The following RERE variants were observed in gnomAD, a reference collection of about 807,000 sequenced individuals.
RERE encodes arginine-glutamic acid dipeptide repeats.
In RERE, 40 loss-of-function variants were observed where a neutral mutation model predicts 146.1. The observed-to-expected ratio is 0.27, with a 90% CI of 0.21 to 0.36. RERE has a LOEUF of 0.36. Among genes scored for constraint, RERE ranks in the 10% least tolerant of loss-of-function variants. The pLI, the probability that RERE is intolerant of heterozygous loss-of-function variation, is 1.00. For synonymous variants in RERE, 1,003 were observed against 866.0 expected (o/e 1.16, Z -2.78); for missense variants, 1,933 against 2,138.7 (o/e 0.90, Z 1.90).
chr1:8,792,255 A>G (rs1410147226), intron 1 of RERE: 1 of 152,254 alleles, frequency 6.6e-6, no homozygotes, highest in Non-Finnish European at 1.5e-5. Flanking sequence ...ACATAAGTTC[A>G]GTAATTCATA....
intron 4 of RERE, among the ~76,000 whole-genome samples, chr1:8,566,306 G>A (rs1248918808): frequency 6.6e-6 from 1 of 152,118 alleles, no homozygotes; most frequent in Non-Finnish European, 1.5e-5. Context: ...ACAAGGGGCA[G>A]GTAGAGGAAA....
chr1:8,374,644 C>A (rs1004258857), intron 12 of RERE, among the ~76,000 whole-genome samples: 5 of 152,192 alleles, frequency 3.3e-5, no homozygotes, highest in African/African-American at 1.2e-4. Flanking sequence ...TAGTACCTTG[C>A]CACTTCTTCT....
intron 1 of RERE, among the ~76,000 whole-genome samples, chr1:8,773,627 C>T (rs769981572): frequency 3.9e-5 from 6 of 152,146 alleles, no homozygotes; most frequent in Non-Finnish European, 7.3e-5. Context: ...AGTTCGAGAC[C>T]AGCCTGACCA....
At chr1:8,797,893 G>C (rs2124585489) in intron 1 of RERE, among the ~76,000 whole-genome samples, 1 of 152,328 alleles carries the variant, frequency 6.6e-6, no homozygotes, top group South Asian at 2.1e-4. Flanking sequence ...AATGAAGAAA[G>C]AGAGAACTTC....
At position 8,672,897 on chromosome 1, in the gene RERE, G is replaced by A. The variant is rs573247466; in HGVS notation, c.-144-16456C>T. Among the ~76,000 whole-genome samples the A allele has an allele frequency of 2.0e-5, 3 of 152,032 alleles. No individual in the cohort carries two copies. The South Asian group carries it at 6.2e-4, about 32-fold the overall frequency. On this transcript the variant is annotated intron_variant, in intron 1 of 22. Transcript: ENST00000400908. ...AAAATCTTTAATACTATTTGCTCAGGGTAAAATACCAATTCTATCTGCAAA... is the reference window on the plus strand; with the variant it reads ...AAAATCTTTAATACTATTTGCTCAGAGTAAAATACCAATTCTATCTGCAAA...
At chr1:8,389,761 C>G (rs188369546) in intron 12 of RERE, among the ~76,000 whole-genome samples, 1 of 152,272 alleles carries the variant, frequency 6.6e-6, no homozygotes, top group Admixed American at 6.5e-5. Flanking sequence ...CTGTAGTATG[C>G]GAATAAAACA....
intron 19 of RERE, 104 bp from the exon 20 acceptor site, chr1:8,359,020 C>T (rs765506010): frequency 6.5e-6 from 9 of 1,381,634 alleles, no homozygotes; most frequent in Non-Finnish European, 8.5e-6. Flanking sequence ...CCTGCTCTGA[C>T]AGGCCAACCT....
chr1:8,359,477 C>T (rs192001836), intron 19 of RERE, among the ~76,000 whole-genome samples: 1 of 152,364 alleles, frequency 6.6e-6, no homozygotes, highest in Non-Finnish European at 1.5e-5. Context: ...GTTATGAACC[C>T]AAAGGCTGCA....
Position 8,364,877 on chromosome 1 carries a change from C to G in RERE, c.1448-39G>C. On this transcript the variant is annotated intron_variant, in intron 13 of 22. Coordinates refer to ENST00000400908, the MANE Select transcript of RERE (RefSeq NM_001042681.2). This position sits in a 1 kb window ranked among gnomAD's most constrained non-coding sequence, Gnocchi z 5.1. ...GCACATAGTGGGGGTGGGGGAGACACCATCATGCTCAGCCAAGGCTGGGCC... is the reference window on the plus strand; with the variant it reads ...GCACATAGTGGGGGTGGGGGAGACAGCATCATGCTCAGCCAAGGCTGGGCC... The G allele has an allele frequency of 8.2e-7, 1 of 1,223,178 alleles. No individual in the cohort carries two copies. Among genetic ancestry groups the G allele is most frequent in the Non-Finnish European group, 1.2e-6 (1 of 843,576 alleles). The allele number at this position is 1,223,178 out of a possible 1,614,324, so 75.8% of individuals were successfully genotyped here. A position where few individuals can be genotyped will look rare whatever the true frequency, so the allele number is the denominator to read the frequency against.
chr1:8,694,087 G>T (rs536460187), intron 1 of RERE, among the ~76,000 whole-genome samples: 1 of 145,134 alleles, frequency 6.9e-6, no homozygotes, highest in South Asian at 2.2e-4. Flanking sequence ...CGCACTTTTA[G>T]TTCTCCTTTT....
Position 8,653,625 on chromosome 1 carries a change from G to A in RERE, c.325+2348C>T, listed in dbSNP as rs148484108. Among the ~76,000 whole-genome samples the A allele has an allele frequency of 1.2e-3, 183 of 151,020 alleles. 2 individuals carry two copies. The East Asian group carries it at 0.034, about 28-fold the overall frequency. On this transcript the variant is annotated intron_variant, in intron 2 of 22. Transcript: ENST00000400908. Reference sequence around the variant, plus strand: ...CAGGAGAATGGCGTGAACCCGGGAGGCGGAGCTTGCAGTGAGCCAAGATCG... The same window carrying A: ...CAGGAGAATGGCGTGAACCCGGGAGACGGAGCTTGCAGTGAGCCAAGATCG...
intron 8 of RERE, among the ~76,000 whole-genome samples, chr1:8,500,172 GA>G (rs1349295922): frequency 6.6e-6 from 1 of 152,048 alleles, no homozygotes; most frequent in African/African-American, 2.4e-5. Flanking sequence ...ACAAATGTTG[GA>G]GTCAAAAGGT....
Position 8,358,623 on chromosome 1 carries a change from G to A in RERE, c.3912C>T (p.Leu1304=). The A allele has an allele frequency of 1.3e-6, 2 of 1,591,598 alleles. No individual in the cohort carries two copies. The change falls in exon 20 of 23, where the codon CTC becomes CTT. Residue 1304 remains leucine, a synonymous_variant. Coordinates refer to ENST00000400908, the MANE Select transcript of RERE (RefSeq NM_001042681.2). ...NVDPTIRERE[L]REREIREREI... ...CCCGCTCTCGGATCTCCCGCTCCCG[G>A]AGCTCCCGCTCGCGGATGGTGGGGT...
At chr1:8,765,167 T>A (rs549208570) in intron 1 of RERE, among the ~76,000 whole-genome samples, 1,993 of 152,368 alleles carry the variant, frequency 0.013, 49 homozygotes, top group African/African-American at 0.046. Context: ...ATTTGGCATT[T>A]ATTGGGAATG....
At chr1:8,458,563 G>A (rs1210639584) in intron 11 of RERE, among the ~76,000 whole-genome samples, 2 of 152,154 alleles carry the variant, frequency 1.3e-5, no homozygotes, top group South Asian at 2.1e-4. Flanking sequence ...AAACACAGAC[G>A]TGTGCGCATG....
chr1:8,405,546 G>C (rs1253905221), intron 12 of RERE, among the ~76,000 whole-genome samples: 1 of 152,204 alleles, frequency 6.6e-6, no homozygotes, highest in Non-Finnish European at 1.5e-5. Context: ...GGCCATTTCT[G>C]TTTAAAATAT....
At chr1:8,617,713 A>AGTTTTT (rs1646870884) in intron 3 of RERE, among the ~76,000 whole-genome samples, 1 of 152,136 alleles carries the variant, frequency 6.6e-6, no homozygotes, top group African/African-American at 2.4e-5. Context: ...TTTTCATAAC[A>AGTTTTT]CATGGCCTTT....
At chr1:8,654,091 G>A (rs889713037) in intron 2 of RERE, among the ~76,000 whole-genome samples, 2 of 151,722 alleles carry the variant, frequency 1.3e-5, no homozygotes, top group African/African-American at 2.4e-5. Context: ...ACAGGCTGCA[G>A]TGCTATGATG....
At chr1:8,646,665 C>G (rs1647323415) in intron 2 of RERE, among the ~76,000 whole-genome samples, 1 of 152,082 alleles carries the variant, frequency 6.6e-6, no homozygotes, top group Non-Finnish European at 1.5e-5. Context: ...GAGCCCTAAT[C>G]CAATATGACT....
Sources: gnomAD v4.1 joint callset for allele counts (sites outside exome capture counted in the v4.1 genomes callset) on GRCh38, gnomAD v4.1.1 for gene constraint, Gnocchi (gnomAD v3.1) non-coding constraint, MANE v1.5 for transcripts, NCBI Gene and HGNC (gene_info 2026-07-23, HGNC 2026-07-21) for gene names.